NOL9: variants seen among roughly 807,000 people sequenced by gnomAD.
NOL9 encodes the protein nucleolar protein 9, also known as polynucleotide 5'-hydroxyl-kinase NOL9.
In NOL9, 28 loss-of-function variants were observed where a neutral mutation model predicts 67.9. The observed-to-expected ratio is 0.41, with a 90% CI of 0.31 to 0.57. NOL9 has a LOEUF of 0.57. NOL9 is among the 20% of genes least tolerant of loss of function. The pLI, the probability that NOL9 is intolerant of heterozygous loss-of-function variation, is 0.25. For missense variants in NOL9, 777 were observed against 897.0 expected, an observed-to-expected ratio of 0.87 and a Z score of 1.71; for synonymous variants, 356 against 352.2, an observed-to-expected ratio of 1.01 and a Z score of -0.12.
rs1638791774 is a variant in NOL9 at position 6,522,509 on chromosome 1, C to G, written c.*3345G>C. ...AGGTTGCAGTGACCTGAGATCAGGC[C>G]ACTGCACTCCAGCCTTGGCGACAGA... On this transcript the variant is annotated 3_prime_UTR_variant, in exon 12 of 12. Coordinates refer to ENST00000377705, the MANE Select transcript of NOL9 (RefSeq NM_024654.5). 6.6e-6 allele frequency: 1 copy of G among 151,728 alleles called. No individual in the cohort carries two copies. The highest frequency in any genetic ancestry group is 1.5e-5 in the Non-Finnish European group (1 of 67,978). 9.4% of individuals were successfully genotyped at this position (151,728 alleles called of 1,614,324 possible). A position where few individuals can be genotyped will look rare whatever the true frequency, so the allele number is the denominator to read the frequency against.
chr1:6,528,869 G>T, intron 10 of NOL9, 125 bp downstream of exon 10: 2 of 890,262 alleles, frequency 2.2e-6, no homozygotes, highest in Non-Finnish European at 3.5e-6. Context: ...GTGCTATATA[G>T]ATGAGTGGGG....
At chr1:6,545,919 C>CAGA (rs780815135) in intron 3 of NOL9, among the ~76,000 whole-genome samples, 1 of 59,662 alleles carries the variant, frequency 1.7e-5, no homozygotes, top group Non-Finnish European at 3.0e-5. Flanking sequence ...GTCTGTGTCT[C>CAGA]AAAAAAAAAA....
At chr1:6,550,268 T>C (rs955142442) in intron 2 of NOL9, 128 bp downstream of exon 2, 1 of 732,894 alleles carries the variant, frequency 1.4e-6, no homozygotes, top group African/African-American at 1.8e-5. Context: ...CCTGACCTCA[T>C]GATCCGCCCG....
At chr1:6,551,859 G>A (rs937720236) in intron 1 of NOL9, among the ~76,000 whole-genome samples, 2 of 151,894 alleles carry the variant, frequency 1.3e-5, no homozygotes, top group South Asian at 2.1e-4. Flanking sequence ...GTGAAACCCC[G>A]TCTCTACTAA....
rs1018128158 is a variant in NOL9 at position 6,521,825 on chromosome 1, A to G, written c.*4029T>C. On this transcript the variant is annotated 3_prime_UTR_variant, in exon 12 of 12. Coordinates refer to ENST00000377705, the MANE Select transcript of NOL9 (RefSeq NM_024654.5). ...ACTAGGAGTTACTGACCGTTTCTAC[A>G]TGCCGGAGACTGTGCTACATCTCTT... 6.6e-6 allele frequency: 1 copy of G among 152,204 alleles called. No homozygotes were observed. The highest frequency in any genetic ancestry group is 2.4e-5 in the African/African-American group (1 of 41,460). 9.4% of individuals were successfully genotyped at this position (152,204 alleles called of 1,614,324 possible).
chr1:6,550,342 G>A lies in NOL9; in HGVS notation c.616+54C>T, dbSNP rs905904094. On this transcript the variant is annotated intron_variant, in intron 2 of 11. Transcript: ENST00000377705. ...CACCGCGCCTGGCCCTAAAAATTAT[G>A]AATTAGCCTTATTACAGTAGGCCCT... The A allele has an allele frequency of 6.3e-5, 95 of 1,513,840 alleles. No individual in the cohort carries two copies. The South Asian group carries it at 1.0e-3, about 17-fold the overall frequency. The allele number at this position is 1,513,840 out of a possible 1,614,324, so 93.8% of individuals were successfully genotyped here.
chr1:6,525,766 C>A lies in NOL9; in HGVS notation c.*88G>T. 1.5e-6 allele frequency: 2 copies of A among 1,373,836 alleles called. No individual in the cohort carries two copies. The highest frequency in any genetic ancestry group is 2.1e-6 in the Non-Finnish European group (2 of 974,138). 85.1% of individuals were successfully genotyped at this position (1,373,836 alleles called of 1,614,324 possible). ...TTGCTAATAAGGGCACCATTCATGG[C>A]CATGAAACTCCATCATGTCTCTTGT... On this transcript the variant is annotated 3_prime_UTR_variant, in exon 12 of 12. Transcript: ENST00000377705.
In NOL9 at chr1:6,554,308, TC is replaced by T; in HGVS notation, c.194del (p.Gly65GlufsTer78). On this transcript the variant is annotated frameshift_variant, in exon 1 of 12. Coordinates refer to ENST00000377705, the MANE Select transcript of NOL9 (RefSeq NM_024654.5). LOFTEE classifies it high-confidence loss of function. ...AQASGVDWREGARQVSRAAAA... is the reference protein window; with the variant it reads ...AQASGVDWREXARQVSRAAAA... ...CCGCCGCGCGCGACACCTGGCGGGC[TC>T]CCTCCCTCCAGTCCACGCCGGACGC... The T allele has an allele frequency of 6.8e-7, 1 of 1,477,362 alleles. No homozygotes were observed. Among genetic ancestry groups the T allele is most frequent in the South Asian group, 1.3e-5 (1 of 74,966 alleles). 91.5% of individuals were successfully genotyped at this position (1,477,362 alleles called of 1,614,324 possible). A position where few individuals can be genotyped will look rare whatever the true frequency, so the allele number is the denominator to read the frequency against.
At chr1:6,537,301 A>T (rs1639176560) in intron 6 of NOL9, among the ~76,000 whole-genome samples, 1 of 152,178 alleles carries the variant, frequency 6.6e-6, no homozygotes, top group Non-Finnish European at 1.5e-5. Flanking sequence ...CTACTAGAGG[A>T]AAAGCTTCAT....
At position 6,550,528 on chromosome 1, in the gene NOL9, C is replaced by A; in HGVS notation, c.484G>T (p.Ala162Ser). 2 of 1,614,102 alleles carry A rather than the reference C, an allele frequency of 1.2e-6. No homozygotes were observed. The highest frequency in any genetic ancestry group is 1.1e-5 in the South Asian group (1 of 91,080). ...FGFTISQGQP[A>S]QDIFSVYTHS... ...GTATACACAGAGAAGATGTCTTGGG[C>A]AGGCTGGCCTTGGCTGATGGTAAAA... The change falls in exon 2 of 12, where the codon GCC (alanine) becomes TCC (serine). Residue 162 changes from alanine to serine, a missense_variant. Ala to Ser is a moderately conservative substitution (Grantham distance 99). Around this residue, in one of 2 missense-constraint regions of NOL9, gnomAD observed 364 missense variants for 344.4 expected, o/e 1.06. Coordinates refer to ENST00000377705, the MANE Select transcript of NOL9 (RefSeq NM_024654.5).
At chr1:6,533,241 G>A in intron 7 of NOL9, 39 bp downstream of exon 7, 1 of 1,535,818 alleles carries the variant, frequency 6.5e-7, no homozygotes. Flanking sequence ...TACTCACACT[G>A]CCTGTCCTTC....
At chr1:6,548,575 C>A in intron 3 of NOL9, 1 of 372,772 alleles carries the variant, frequency 2.7e-6, no homozygotes, top group South Asian at 2.3e-5. Context: ...AGGAGAACAT[C>A]ATTGTAAAAG....
chr1:6,532,919 T>TCCC (rs1557784729), intron 7 of NOL9, among the ~76,000 whole-genome samples, 159 bp from the exon 8 acceptor site: 1 of 152,222 alleles, frequency 6.6e-6, no homozygotes, highest in Non-Finnish European at 1.5e-5. Context: ...ATGTTTGTAA[T>TCCC]CCCAGCATGC....
rs371079156 is a variant in NOL9 at position 6,529,174 on chromosome 1, G to A, written c.1648-3C>T. The A allele has an allele frequency of 6.2e-6, 10 of 1,609,456 alleles. No individual in the cohort carries two copies. In the Middle Eastern group the frequency reaches 4.9e-4, roughly 80 times the overall value. Reference sequence around the variant, plus strand: ...AGTGCGACTGCATTGAAAGGGACCTGGAAAATGAATTTGCATCTCACTCTA... The same window carrying A: ...AGTGCGACTGCATTGAAAGGGACCTAGAAAATGAATTTGCATCTCACTCTA... On this transcript the variant is annotated splice_polypyrimidine_tract_variant and splice_region_variant and intron_variant, in intron 9 of 11. Coordinates refer to ENST00000377705, the MANE Select transcript of NOL9 (RefSeq NM_024654.5).
In NOL9 at chr1:6,524,356, T is replaced by G. The variant is rs765144584; in HGVS notation, c.*1498A>C. The stretch of plus-strand genomic sequence containing the variant: ...CAAAGCGGTGGTCACAATACCAGTT[T>G]GAACCTCAGCCCCAGGAAGTATCCT... On this transcript the variant is annotated 3_prime_UTR_variant, in exon 12 of 12. Transcript: ENST00000377705. The G allele has an allele frequency of 2.6e-5, 4 of 152,146 alleles. No homozygotes were observed. The highest frequency in any genetic ancestry group is 4.4e-5 in the Non-Finnish European group (3 of 68,050). 9.4% of individuals were successfully genotyped at this position (152,146 alleles called of 1,614,324 possible).
intron 1 of NOL9, among the ~76,000 whole-genome samples, chr1:6,552,590 C>G (rs1435569839): frequency 6.7e-6 from 1 of 148,326 alleles, no homozygotes; most frequent in African/African-American, 2.5e-5. Flanking sequence ...ATCTCAAACT[C>G]CTGACCTCAG....
chr1:6,550,253 G>C, intron 2 of NOL9, 143 bp downstream of exon 2: 2 of 655,194 alleles, frequency 3.1e-6, no homozygotes, highest in South Asian at 1.8e-5. Context: ...GGATGGTCTC[G>C]ATCTCCTGAC....
At chr1:6,526,091 G>T in intron 11 of NOL9, 88 bp from the exon 12 acceptor site, 1 of 1,195,310 alleles carries the variant, frequency 8.4e-7, no homozygotes, top group Non-Finnish European at 1.2e-6. Flanking sequence ...AGAAGGCAGT[G>T]TCATGGTGAT....
chr1:6,523,196 T>C lies in NOL9; in HGVS notation c.*2658A>G, dbSNP rs1383418225. On this transcript the variant is annotated 3_prime_UTR_variant, in exon 12 of 12. Coordinates refer to ENST00000377705, the MANE Select transcript of NOL9 (RefSeq NM_024654.5). ...GAAAAAAAAAAAAGAATAGCTCCAA[T>C]GGAGAACTCCTTACTACCTAATCTG... is the stretch of plus-strand genomic sequence containing the variant. 6.6e-6 allele frequency: 1 copy of C among 150,520 alleles called. No individual in the cohort carries two copies. The highest frequency in any genetic ancestry group is 6.6e-5 in the Admixed American group (1 of 15,100). The allele number at this position is 150,520 out of a possible 1,614,324, so 9.3% of individuals were successfully genotyped here.
Sources: gnomAD v4.1 joint callset for allele counts (sites outside exome capture counted in the v4.1 genomes callset) on GRCh38, gnomAD v4.1.1 for gene constraint, gnomAD v4.1.1 regional missense constraint, MANE v1.5 for transcripts, NCBI Gene and HGNC (gene_info 2026-07-23, HGNC 2026-07-21) for gene names.